Variants in SSBP4 observed in about 807,000 individuals in gnomAD.
SSBP4 encodes single-stranded DNA-binding protein 4.
A neutral mutation model predicts 64.6 loss-of-function variants in SSBP4; 33 were observed. That is an observed-to-expected ratio of 0.51 (90% CI 0.39 to 0.68). The LOEUF (loss-of-function observed/expected upper bound fraction) is 0.68, where lower values mean the gene tolerates loss of function less well. Among genes scored for constraint, SSBP4 ranks in the 30% least tolerant of loss-of-function variants. The probability of loss-of-function intolerance (pLI) is 0.00; values close to 1 mark genes in which losing one functional copy is unlikely to be tolerated. For missense variants in SSBP4, 583 were observed against 566.8 expected (o/e 1.03, Z -0.29); for synonymous variants, 243 against 224.0 (o/e 1.08, Z -0.76).
the SSBP4 span, among the ~76,000 whole-genome samples, chr19:18,403,458 C>G: frequency 6.6e-6 from 1 of 152,164 alleles, no homozygotes; most frequent in African/African-American, 2.4e-5. Context: ...GCAGGCCACC[C>G]CTTCATGCAG....
chr19:18,419,021 C>T (rs1972239562), upstream of SSBP4: 1 of 985,472 alleles, frequency 1.0e-6, no homozygotes, highest in South Asian at 4.7e-5. Flanking sequence ...CTGCCTGAGG[C>T]TTTATGGGGC....
chr19:18,433,020 GGGCAGGGCGCC>G lies in SSBP4; in HGVS notation c.898_908del (p.Ala300Ter), dbSNP rs1475692518. The G allele has an allele frequency of 6.2e-7, 1 of 1,614,002 alleles. No individual in the cohort carries two copies. The highest frequency in any genetic ancestry group is 8.5e-7 in the Non-Finnish European group (1 of 1,180,036). ...CATGTACACTATCATGAACCCCATC[GGGCAGGGCGCC>G]GGCAGGGCTAATGTGAGTGGGGGCT... On this transcript the variant is annotated frameshift_variant, in exon 14 of 18. Coordinates refer to ENST00000270061, the MANE Select transcript of SSBP4 (RefSeq NM_032627.5). LOFTEE classifies it high-confidence loss of function.
chr19:18,430,238 C>T (rs913268049), intron 4 of SSBP4, among the ~76,000 whole-genome samples: 2 of 152,214 alleles, frequency 1.3e-5, no homozygotes, highest in African/African-American at 2.4e-5. Flanking sequence ...CCACCTTCCC[C>T]CTGCCAGACC....
chr19:18,427,503 G>A lies in SSBP4; in HGVS notation c.132+80G>A, dbSNP rs890542316. ...TTCATTTCCACTGGGGATCCAGGGG[G>A]TGGGCCCGCGTTGCCCCTCTGATGG... On this transcript the variant is annotated intron_variant, in intron 2 of 17. Coordinates refer to ENST00000270061, the MANE Select transcript of SSBP4 (RefSeq NM_032627.5). The surrounding 1 kb of genome is among the most constrained non-coding windows in gnomAD (Gnocchi z 4.4). The A allele has an allele frequency of 2.6e-6, 4 of 1,514,066 alleles. No homozygotes were observed. Among genetic ancestry groups the A allele is most frequent in the African/African-American group, 1.4e-5 (1 of 73,230 alleles). 93.8% of individuals were successfully genotyped at this position (1,514,066 alleles called of 1,614,324 possible).
the SSBP4 span, among the ~76,000 whole-genome samples, chr19:18,408,276 C>T: frequency 6.6e-6 from 1 of 152,194 alleles, no homozygotes; most frequent in Admixed American, 6.5e-5. Context: ...AATGCCTCCG[C>T]TCCCTCCACC....
chr19:18,416,137 C>T (rs1972129129), upstream of SSBP4, among the ~76,000 whole-genome samples: 1 of 152,130 alleles, frequency 6.6e-6, no homozygotes, highest in Non-Finnish European at 1.5e-5. Context: ...GCCTCAGCCT[C>T]CTGAGTAGCT....
Position 18,431,434 on chromosome 19 carries a change from G to T in SSBP4, c.435+16G>T. On this transcript the variant is annotated intron_variant, in intron 6 of 17. Transcript: ENST00000270061. ...TCACGGTCAGGTAAGGAGCTGTGGT[G>T]CCTGCCCCTCACACACACACATCCC... is the stretch of plus-strand genomic sequence containing the variant. 1 of 1,482,538 alleles carries T rather than the reference G, an allele frequency of 6.7e-7. No individual in the cohort carries two copies. Among genetic ancestry groups the T allele is most frequent in the Non-Finnish European group, 9.2e-7 (1 of 1,090,978 alleles). 91.8% of individuals were successfully genotyped at this position (1,482,538 alleles called of 1,614,324 possible).
At chr19:18,420,896 G>A (rs1327692996) in intron 1 of SSBP4, among the ~76,000 whole-genome samples, 2 of 151,968 alleles carry the variant, frequency 1.3e-5, no homozygotes, top group Non-Finnish European at 2.9e-5. Flanking sequence ...AGGAGGAGGG[G>A]AGTCTTGTCA....
intron 4 of SSBP4, among the ~76,000 whole-genome samples, chr19:18,429,197 G>A (rs1973122161): frequency 6.6e-6 from 1 of 152,080 alleles, no homozygotes; most frequent in Non-Finnish European, 1.5e-5. Flanking sequence ...CGCCGAGCCT[G>A]CACGGAGGCG....
In SSBP4 at chr19:18,419,705, G is replaced by A; in HGVS notation, c.57G>A (p.Glu19=). 1 of 1,175,048 alleles carries A rather than the reference G, an allele frequency of 8.5e-7. No individual in the cohort carries two copies. 72.8% of individuals were successfully genotyped at this position (1,175,048 alleles called of 1,614,324 possible). The change falls in exon 1 of 18, where the codon GAG becomes GAA. Residue 19 remains glutamate, a splice_region_variant and synonymous_variant. Coordinates refer to ENST00000270061, the MANE Select transcript of SSBP4 (RefSeq NM_032627.5). ...SAVPSDSQAR[E]KLALYVYEYL... ...TGCCCTCCGACAGCCAGGCCCGCGAGAAGTGAGTGCGGGGCCGGGGGCGGG... is the reference window on the plus strand; with the variant it reads ...TGCCCTCCGACAGCCAGGCCCGCGAAAAGTGAGTGCGGGGCCGGGGGCGGG...
chr19:18,404,367 G>A, the SSBP4 span, among the ~76,000 whole-genome samples: 1 of 152,032 alleles, frequency 6.6e-6, no homozygotes, highest in Non-Finnish European at 1.5e-5. Flanking sequence ...GCTGAGGCAG[G>A]TGGATCACCT....
chr19:18,421,703 C>G (rs1398321107), intron 1 of SSBP4, among the ~76,000 whole-genome samples: 4 of 152,190 alleles, frequency 2.6e-5, no homozygotes, highest in Non-Finnish European at 5.9e-5. Context: ...GGAGCTGGGG[C>G]TGGGCCCAGG....
chr19:18,427,545 C>T lies in SSBP4; in HGVS notation c.132+122C>T, dbSNP rs902177108. 38 of 1,324,424 alleles carry T rather than the reference C, an allele frequency of 2.9e-5. No individual in the cohort carries two copies. The highest frequency in any genetic ancestry group is 3.8e-5 in the Non-Finnish European group (37 of 965,712). 82.0% of individuals were successfully genotyped at this position (1,324,424 alleles called of 1,614,324 possible). A position where few individuals can be genotyped will look rare whatever the true frequency, so the allele number is the denominator to read the frequency against. ...CTCTGATGGCCCTGGGAACTGAGGGCTCTGCAGGGTCCAGGCCCTGGGCTA... is the reference window on the plus strand; with the variant it reads ...CTCTGATGGCCCTGGGAACTGAGGGTTCTGCAGGGTCCAGGCCCTGGGCTA... On this transcript the variant is annotated intron_variant, in intron 2 of 17. Coordinates refer to ENST00000270061, the MANE Select transcript of SSBP4 (RefSeq NM_032627.5). The surrounding 1 kb of genome is among the most constrained non-coding windows in gnomAD (Gnocchi z 4.4).
upstream of SSBP4, chr19:18,418,952 C>T (rs1949665692): frequency 2.0e-6 from 2 of 984,884 alleles, no homozygotes; most frequent in Non-Finnish European, 2.4e-6. The surrounding 1 kb of genome is among the most constrained non-coding windows in gnomAD (Gnocchi z 6.7). Flanking sequence ...GCTGTATGTG[C>T]GGTGGTTCCC....
chr19:18,413,636 G>A, the SSBP4 span, among the ~76,000 whole-genome samples: 5 of 152,208 alleles, frequency 3.3e-5, no homozygotes, highest in African/African-American at 1.2e-4. Flanking sequence ...GGGCCCTGCA[G>A]GGGGTGCCCA....
intron 1 of SSBP4, among the ~76,000 whole-genome samples, chr19:18,425,199 A>G (rs1972760439): frequency 1.3e-5 from 2 of 152,188 alleles, no homozygotes; most frequent in South Asian, 4.1e-4. Context: ...AACCCTTCGC[A>G]GCCCCCTCCT....
upstream of SSBP4, among the ~76,000 whole-genome samples, chr19:18,417,086 C>T (rs1972146553): frequency 1.3e-5 from 2 of 152,190 alleles, no homozygotes; most frequent in South Asian, 4.1e-4. The surrounding 1 kb of genome is among the most constrained non-coding windows in gnomAD (Gnocchi z 5.4). Context: ...TCCCTCCCTC[C>T]GCCTCCGCCC....
At chr19:18,430,006 C>T (rs1973215158) in intron 4 of SSBP4, among the ~76,000 whole-genome samples, 1 of 152,222 alleles carries the variant, frequency 6.6e-6, no homozygotes, top group Non-Finnish European at 1.5e-5. Context: ...CTCAACCTCT[C>T]TGAGCCCAAG....
chr19:18,410,594 G>T, the SSBP4 span, among the ~76,000 whole-genome samples: 2 of 152,050 alleles, frequency 1.3e-5, no homozygotes, highest in Non-Finnish European at 2.9e-5. Flanking sequence ...TCCTTGCCAT[G>T]AAATAATTCA....
Sources: gnomAD v4.1 joint callset for allele counts (sites outside exome capture counted in the v4.1 genomes callset) on GRCh38, gnomAD v4.1.1 for gene constraint, Gnocchi (gnomAD v3.1) non-coding constraint, MANE v1.5 for transcripts, NCBI Gene and HGNC (gene_info 2026-07-23, HGNC 2026-07-21) for gene names.